The following LSAMP variants were observed in gnomAD, a reference collection of about 807,000 sequenced individuals.
LSAMP encodes the protein limbic system associated membrane protein, also known as limbic system-associated membrane protein.
Under a neutral mutation model 38.6 loss-of-function variants are expected in LSAMP, and 7 were observed. That is an observed-to-expected ratio of 0.18 (90% CI 0.10 to 0.34). The LOEUF (loss-of-function observed/expected upper bound fraction) is 0.34, where lower values mean the gene tolerates loss of function less well. LSAMP is among the 10% of genes least tolerant of loss of function. LSAMP has a pLI of 1.00. For synonymous variants in LSAMP, 154 were observed against 166.8 expected (o/e 0.92, Z 0.59); for missense variants, 313 against 420.0 (o/e 0.75, Z 2.23).
At chr3:116,167,738 A>C (rs1258985239) in intron 1 of LSAMP, among the ~76,000 whole-genome samples, 1 of 152,248 alleles carries the variant, frequency 6.6e-6, no homozygotes. Context: ...TGCTATTCTC[A>C]ACACCTCTCA....
intron 1 of LSAMP, among the ~76,000 whole-genome samples, chr3:116,228,851 G>A (rs1394862572): frequency 6.6e-6 from 1 of 152,038 alleles, no homozygotes; most frequent in Non-Finnish European, 1.5e-5. Flanking sequence ...GGGAAAGCAG[G>A]TGGTATATTC....
chr3:116,346,316 G>T (rs2048062774), intron 1 of LSAMP, among the ~76,000 whole-genome samples: 1 of 144,958 alleles, frequency 6.9e-6, no homozygotes, highest in African/African-American at 2.5e-5. Flanking sequence ...TTTTCTAAGG[G>T]TTAGTTTTAT....
rs1389403179 is a variant in LSAMP at position 115,808,291 on chromosome 3, TGGCTCTGCAAGATTACATTCAAA to T, written c.*2003_*2025del. On this transcript the variant is annotated 3_prime_UTR_variant, in exon 7 of 7. Coordinates refer to ENST00000490035, the MANE Select transcript of LSAMP (RefSeq NM_002338.5). Reference sequence around the variant, plus strand: ...TTCCAACTTAATGACATACCATATTTGGCTCTGCAAGATTACATTCAAATATAATCTCAAAATAATTCTCTGTC... The same window carrying T: ...TTCCAACTTAATGACATACCATATTTTATAATCTCAAAATAATTCTCTGTC... The T allele has an allele frequency of 1.3e-5, 2 of 151,720 alleles. No individual in the cohort carries two copies. Among genetic ancestry groups the T allele is most frequent in the Non-Finnish European group, 2.9e-5 (2 of 67,984 alleles). The allele number at this position is 151,720 out of a possible 1,614,324, so 9.4% of individuals were successfully genotyped here.
intron 3 of LSAMP, among the ~76,000 whole-genome samples, chr3:115,939,584 C>CTCTTTCTTTCTT (rs1576237854): frequency 7.6e-6 from 1 of 131,806 alleles, no homozygotes; most frequent in Non-Finnish European, 1.7e-5. Flanking sequence ...TTCTTTCTTT[C>CTCTTTCTTTCTT]TGTTAAGAGA....
intron 1 of LSAMP, among the ~76,000 whole-genome samples, chr3:116,437,041 G>GTATA (rs139542369): frequency 0.016 from 2,374 of 144,152 alleles, 48 homozygotes; most frequent in African/African-American, 0.052. Flanking sequence ...ATATATATGT[G>GTATA]TATATATATA....
chr3:116,033,771 G>C (rs1034941033), intron 2 of LSAMP, among the ~76,000 whole-genome samples: 1 of 152,046 alleles, frequency 6.6e-6, no homozygotes, highest in Non-Finnish European at 1.5e-5. Context: ...CTGGAACTCT[G>C]GGTTCATATA....
chr3:116,102,336 T>G (rs1307638438), intron 1 of LSAMP, among the ~76,000 whole-genome samples: 1 of 152,216 alleles, frequency 6.6e-6, no homozygotes, highest in African/African-American at 2.4e-5. Flanking sequence ...ATTCTGTATA[T>G]CACATCTGAA....
chr3:116,349,624 A>G (rs930355618), intron 1 of LSAMP, among the ~76,000 whole-genome samples: 4 of 151,982 alleles, frequency 2.6e-5, no homozygotes, highest in Non-Finnish European at 2.9e-5. Flanking sequence ...AGACACAAAT[A>G]TTGACCCTCA....
At chr3:116,054,340 G>C (rs1424014317) in intron 2 of LSAMP, among the ~76,000 whole-genome samples, 1 of 152,126 alleles carries the variant, frequency 6.6e-6, no homozygotes, top group Non-Finnish European at 1.5e-5. Flanking sequence ...AATCATATCT[G>C]TGGAGCCCTT....
intron 3 of LSAMP, among the ~76,000 whole-genome samples, chr3:115,962,549 G>A (rs1036732794): frequency 9.9e-5 from 15 of 152,230 alleles, no homozygotes; most frequent in African/African-American, 3.4e-4. Flanking sequence ...TTTGCAAAAC[G>A]GGAATAAAAC....
chr3:116,135,701 C>A (rs534147707), intron 1 of LSAMP, among the ~76,000 whole-genome samples: 194 of 152,232 alleles, frequency 1.3e-3, no homozygotes, highest in South Asian at 3.7e-3. Flanking sequence ...GGAAAAACAA[C>A]CAGAAGCCTA....
chr3:116,204,942 G>C (rs1189887969), intron 1 of LSAMP, among the ~76,000 whole-genome samples: 2 of 144,662 alleles, frequency 1.4e-5, no homozygotes, highest in Non-Finnish European at 3.1e-5. Context: ...TGTGAAGAAA[G>C]TCATTGGTAG....
intron 1 of LSAMP, among the ~76,000 whole-genome samples, chr3:116,312,245 T>C (rs1321155299): frequency 6.6e-6 from 1 of 152,034 alleles, no homozygotes; most frequent in Non-Finnish European, 1.5e-5. Flanking sequence ...TCACAAAAGG[T>C]GTTTATATGG....
intron 1 of LSAMP, among the ~76,000 whole-genome samples, chr3:116,267,758 G>A (rs921633853): frequency 6.6e-6 from 1 of 152,250 alleles, no homozygotes; most frequent in South Asian, 2.1e-4. Context: ...GAGACTGACA[G>A]TATTCTCCCC....
At chr3:116,003,840 T>C (rs1940071282) in intron 3 of LSAMP, among the ~76,000 whole-genome samples, 1 of 152,180 alleles carries the variant, frequency 6.6e-6, no homozygotes, top group Admixed American at 6.6e-5. Flanking sequence ...CACTAGATCC[T>C]TCAAAGGGAG....
intron 3 of LSAMP, among the ~76,000 whole-genome samples, chr3:115,993,615 C>G (rs374258409): frequency 2.6e-5 from 4 of 152,068 alleles, no homozygotes; most frequent in African/African-American, 9.6e-5. Context: ...CATAAAGAAA[C>G]AGACTTTGCT....
intron 1 of LSAMP, among the ~76,000 whole-genome samples, chr3:116,124,154 G>C (rs1391687780): frequency 6.6e-6 from 1 of 152,148 alleles, no homozygotes; most frequent in Non-Finnish European, 1.5e-5. Context: ...GCAAATATGA[G>C]AAGTACCTCA....
intron 3 of LSAMP, among the ~76,000 whole-genome samples, chr3:115,918,707 G>GTTTTTT (rs11391475): frequency 1.5e-5 from 2 of 135,236 alleles, no homozygotes; most frequent in Non-Finnish European, 1.6e-5. Flanking sequence ...TAAAGAACAG[G>GTTTTTT]TTTTTTTTTT....
chr3:116,048,970 CAGGAATGAATT>C (rs1051874583), intron 2 of LSAMP, among the ~76,000 whole-genome samples: 4 of 152,184 alleles, frequency 2.6e-5, no homozygotes, highest in African/African-American at 9.7e-5. Context: ...AAAGAATATG[CAGGAATGAATT>C]AGCTGAATTT....
Sources: allele counts gnomAD v4.1 joint callset (sites outside exome capture counted in the v4.1 genomes callset), GRCh38; gene constraint gnomAD v4.1.1; transcripts MANE v1.5; gene names NCBI Gene and HGNC (gene_info 2026-07-23, HGNC 2026-07-21).